EDNRA: variants seen among roughly 807,000 people sequenced by gnomAD.
EDNRA encodes the protein endothelin receptor type A, also known as endothelin-1 receptor.
Under a neutral mutation model 41.4 loss-of-function variants are expected in EDNRA, and 11 were observed. The observed-to-expected ratio is 0.27, with a 90% CI of 0.17 to 0.44. The LOEUF (loss-of-function observed/expected upper bound fraction) is 0.44. Among genes scored for constraint, EDNRA ranks in the 20% least tolerant of loss-of-function variants. EDNRA has a pLI of 1.00. For missense variants in EDNRA, 294 were observed against 531.0 expected, an observed-to-expected ratio of 0.55 and a Z score of 4.39; for synonymous variants, 172 against 183.0, an observed-to-expected ratio of 0.94 and a Z score of 0.49.
At chr4:147,510,123 T>C (rs1729869162) in intron 2 of EDNRA, among the ~76,000 whole-genome samples, 1 of 152,204 alleles carries the variant, frequency 6.6e-6, no homozygotes, top group African/African-American at 2.4e-5. Flanking sequence ...TGGCTGGTTT[T>C]CTTGGCAGTC....
chr4:147,523,260 A>C (rs1481258857), intron 3 of EDNRA, among the ~76,000 whole-genome samples: 1 of 152,222 alleles, frequency 6.6e-6, no homozygotes, highest in Non-Finnish European at 1.5e-5. Context: ...TGGAAATGGA[A>C]GGGAATAATC....
intron 2 of EDNRA, chr4:147,492,573 T>G (rs1729172643): frequency 6.6e-6 from 1 of 152,218 alleles, no homozygotes; most frequent in African/African-American, 2.4e-5. Context: ...TGTGCATTCT[T>G]TAAGCATAGT....
chr4:147,531,099 C>T (rs1427752148), intron 3 of EDNRA, among the ~76,000 whole-genome samples: 6 of 152,086 alleles, frequency 3.9e-5, no homozygotes, highest in Non-Finnish European at 8.8e-5. Flanking sequence ...TTAGACATAA[C>T]ATTTAAATGT....
rs1728915636 is a variant in EDNRA at position 147,485,599 on chromosome 4, C to T, written c.-70-13C>T. 5.5e-6 allele frequency: 8 copies of T among 1,454,728 alleles called. No individual in the cohort carries two copies. Among genetic ancestry groups the T allele is most frequent in the South Asian group, 2.8e-5 (2 of 70,702 alleles). 90.1% of individuals were successfully genotyped at this position (1,454,728 alleles called of 1,614,324 possible). On this transcript the variant is annotated splice_polypyrimidine_tract_variant and intron_variant, in intron 1 of 7. Coordinates refer to ENST00000651419, the MANE Select transcript of EDNRA (RefSeq NM_001957.4). ...GGGTTTTGGAACAAAAATTATTTTTCCTTTTGTTTCAGGTGAAAAAAAAGT... is the reference window on the plus strand; with the variant it reads ...GGGTTTTGGAACAAAAATTATTTTTTCTTTTGTTTCAGGTGAAAAAAAAGT...
chr4:147,534,363 TG>T (rs1730850818), intron 4 of EDNRA, among the ~76,000 whole-genome samples: 1 of 152,256 alleles, frequency 6.6e-6, no homozygotes, highest in African/African-American at 2.4e-5. Flanking sequence ...GGGAAATGTT[TG>T]TGTAAGCAGT....
intron 5 of EDNRA, among the ~76,000 whole-genome samples, chr4:147,537,297 A>T (rs1358889403): frequency 1.3e-5 from 2 of 152,244 alleles, no homozygotes; most frequent in African/African-American, 4.8e-5. Context: ...AAAATCTAAC[A>T]TGCCATACAA....
At chr4:147,490,589 T>C (rs925513326) in intron 2 of EDNRA, 5 of 152,218 alleles carry the variant, frequency 3.3e-5, no homozygotes, top group African/African-American at 1.2e-4. Flanking sequence ...TTTACATTTG[T>C]TAGAATGGCA....
rs569303692 is a variant in EDNRA at position 147,544,675 on chromosome 4, A to T, written c.*2057A>T. ...CCTATAATATAAGCCATAGGTTCAC[A>T]CCATTTTGTTTAGACAATTGTCTTT... On this transcript the variant is annotated 3_prime_UTR_variant, in exon 8 of 8. Coordinates refer to ENST00000651419, the MANE Select transcript of EDNRA (RefSeq NM_001957.4). The T allele has an allele frequency of 6.6e-6, 1 of 152,406 alleles. No homozygotes were observed. The highest frequency in any genetic ancestry group is 6.6e-5 in the Admixed American group (1 of 15,262). The allele number at this position is 152,406 out of a possible 1,614,324, so 9.4% of individuals were successfully genotyped here. A position where few individuals can be genotyped will look rare whatever the true frequency, so the allele number is the denominator to read the frequency against.
chr4:147,518,237 A>G (rs1730183477), intron 2 of EDNRA, among the ~76,000 whole-genome samples: 1 of 152,172 alleles, frequency 6.6e-6, no homozygotes, highest in South Asian at 2.1e-4. Context: ...ATAGTGTTTT[A>G]TGTCTTTACT....
chr4:147,485,721 C>G lies in EDNRA; in HGVS notation c.40C>G (p.Leu14Val), dbSNP rs755625335. ...LCLRASFWLA[L>V]VGCVISDNPE... is the part of the protein sequence containing the mutation. ...CCTCAGGGCATCCTTTTGGCTGGCA[C>G]TGGTTGGATGTGTAATCAGTGATAA... Residue 14 changes from leucine to valine, a missense_variant, in exon 2 of 8, where the codon CTG becomes GTG. Leu to Val is a conservative substitution (Grantham distance 32). Coordinates refer to ENST00000651419, the MANE Select transcript of EDNRA (RefSeq NM_001957.4). 1 of 1,612,944 alleles carries G rather than the reference C, an allele frequency of 6.2e-7. No homozygotes were observed. The highest frequency in any genetic ancestry group is 1.1e-5 in the South Asian group (1 of 90,822).
chr4:147,511,322 T>C (rs1018401512), intron 2 of EDNRA, among the ~76,000 whole-genome samples: 1 of 152,254 alleles, frequency 6.6e-6, no homozygotes, highest in African/African-American at 2.4e-5. Flanking sequence ...GAAGTTTTAT[T>C]TTCTAATGAA....
chr4:147,500,025 G>A (rs1201353676), intron 2 of EDNRA, among the ~76,000 whole-genome samples: 2 of 151,736 alleles, frequency 1.3e-5, no homozygotes, highest in Admixed American at 6.6e-5. Context: ...GGCTGATCTC[G>A]AACTCCTGAT....
intron 2 of EDNRA, among the ~76,000 whole-genome samples, chr4:147,516,578 T>C (rs1730123509): frequency 6.6e-6 from 1 of 152,206 alleles, no homozygotes; most frequent in Non-Finnish European, 1.5e-5. Context: ...TTGGAAATTA[T>C]AAATATGAGG....
At chr4:147,529,556 A>G (rs1730673562) in intron 3 of EDNRA, among the ~76,000 whole-genome samples, 1 of 152,098 alleles carries the variant, frequency 6.6e-6, no homozygotes, top group African/African-American at 2.4e-5. Context: ...AAACTGGGAG[A>G]TTGTGGTGGA....
intron 2 of EDNRA, among the ~76,000 whole-genome samples, chr4:147,504,313 C>T (rs759568221): frequency 6.6e-6 from 1 of 152,204 alleles, no homozygotes; most frequent in African/African-American, 2.4e-5. Context: ...TATGTTGTCT[C>T]TCTTGTACTT....
intron 2 of EDNRA, among the ~76,000 whole-genome samples, chr4:147,505,326 C>CTTTTTTTTTTTTTTTTTTTTTTTTTTT (rs1729660192): frequency 2.4e-5 from 2 of 82,024 alleles, no homozygotes; most frequent in African/African-American, 1.1e-4. Context: ...TTTCTTTTTT[C>CTTTTTTTTTTTTTTTTTTTTTTTTTTT]ATTTTTTTTT....
chr4:147,510,340 TAAAC>T lies in EDNRA; in HGVS notation c.421-9507_421-9504del, dbSNP rs536580548. Among the ~76,000 whole-genome samples the T allele has an allele frequency of 3.0e-3, 461 of 152,284 alleles. 1 individual carries two copies. Among genetic ancestry groups the T allele is most frequent in the Admixed American group, 5.8e-3 (89 of 15,294 alleles). On this transcript the variant is annotated intron_variant, in intron 2 of 7. Coordinates refer to ENST00000651419, the MANE Select transcript of EDNRA (RefSeq NM_001957.4). ...TGTATATTTTTTGTTCTACTAAAAA[TAAAC>T]AAAATGCTTATAGTAGAGATACAAC...
At chr4:147,506,732 C>T (rs1181560424) in intron 2 of EDNRA, 2 of 330,432 alleles carry the variant, frequency 6.1e-6, no homozygotes, top group East Asian at 8.9e-5. Flanking sequence ...AACCAGAGTA[C>T]AGACATCACC....
At chr4:147,482,357 A>T (rs183742488) in intron 1 of EDNRA, among the ~76,000 whole-genome samples, 3 of 152,250 alleles carry the variant, frequency 2.0e-5, no homozygotes, top group African/African-American at 7.2e-5. Context: ...CCTCTTTCTT[A>T]ATAATAGTTT....
Sources: gnomAD v4.1 joint callset for allele counts (sites outside exome capture counted in the v4.1 genomes callset) on GRCh38, gnomAD v4.1.1 for gene constraint, MANE v1.5 for transcripts, NCBI Gene and HGNC (gene_info 2026-07-23, HGNC 2026-07-21) for gene names.